ETV5: variants seen among roughly 807,000 people sequenced by gnomAD.
ETV5 encodes the protein ETS variant transcription factor 5, also known as ETS translocation variant 5.
Under a neutral mutation model 70.0 loss-of-function variants are expected in ETV5, and 10 were observed. The observed-to-expected ratio is 0.14, with a 90% CI of 0.09 to 0.24. ETV5 has a LOEUF of 0.24. Among genes scored for constraint, ETV5 ranks in the 10% least tolerant of loss-of-function variants. ETV5 has a pLI of 1.00. For missense variants in ETV5, 453 were observed against 651.2 expected, an observed-to-expected ratio of 0.70 and a Z score of 3.31; for synonymous variants, 216 against 242.2, an observed-to-expected ratio of 0.89 and a Z score of 1.01.
chr3:186,089,328 G>A (rs1714127376), intron 5 of ETV5, among the ~76,000 whole-genome samples: 2 of 152,206 alleles, frequency 1.3e-5, no homozygotes, highest in South Asian at 4.1e-4. Context: ...GTGTAGGTAT[G>A]GAAGAATGTG....
chr3:186,075,054 TG>T, intron 7 of ETV5, among the ~76,000 whole-genome samples: 2 of 152,208 alleles, frequency 1.3e-5, no homozygotes, highest in Non-Finnish European at 2.9e-5. Flanking sequence ...TTCAGTAAAC[TG>T]GGGATAAAAG....
intron 7 of ETV5, among the ~76,000 whole-genome samples, chr3:186,066,823 A>G (rs1713458452): frequency 6.6e-6 from 1 of 152,236 alleles, no homozygotes; most frequent in Non-Finnish European, 1.5e-5. Flanking sequence ...CAATAATACA[A>G]CAAATTGAGA....
chr3:186,062,796 C>T (rs562008285), intron 9 of ETV5, among the ~76,000 whole-genome samples: 40 of 152,212 alleles, frequency 2.6e-4, no homozygotes, highest in African/African-American at 8.9e-4. Context: ...GAGTCCTATA[C>T]GATCTGTATA....
At position 186,047,366 on chromosome 3, in the gene ETV5, G is replaced by A. The variant is rs141261071; in HGVS notation, c.*1273C>T. On this transcript the variant is annotated 3_prime_UTR_variant, in exon 13 of 13. Transcript: ENST00000306376. ...CAAACCCTACTGAATCACACAGGTA[G>A]GGTTTAAAGTCCAAGATTTAAAGAA... is the stretch of plus-strand genomic sequence containing the variant. 3.1e-4 allele frequency: 71 copies of A among 231,900 alleles called. 1 individual carries two copies. The highest frequency in any genetic ancestry group is 1.6e-3 in the African/African-American group (71 of 45,352). The allele number at this position is 231,900 out of a possible 1,614,324, so 14.4% of individuals were successfully genotyped here. A position where few individuals can be genotyped will look rare whatever the true frequency, so the allele number is the denominator to read the frequency against.
intron 7 of ETV5, among the ~76,000 whole-genome samples, chr3:186,077,021 C>T (rs538426169): frequency 2.7e-4 from 41 of 152,272 alleles, no homozygotes; most frequent in African/African-American, 8.9e-4. Context: ...CGTAATTACA[C>T]GTCATGGAAG....
chr3:186,064,395 G>T (rs1713384776), intron 9 of ETV5, 22 bp downstream of exon 9: 5 of 1,604,652 alleles, frequency 3.1e-6, no homozygotes, highest in Non-Finnish European at 4.3e-6. Flanking sequence ...GAGAGAAGAG[G>T]AAAGAAAAGC....
At chr3:186,084,471 T>C (rs542407960) in intron 5 of ETV5, among the ~76,000 whole-genome samples, 13 of 151,758 alleles carry the variant, frequency 8.6e-5, no homozygotes, top group Admixed American at 8.5e-4. Context: ...CTTCATTCAT[T>C]CATTCATTCA....
chr3:186,055,667 C>T (rs1182907958), intron 11 of ETV5, among the ~76,000 whole-genome samples: 1 of 152,190 alleles, frequency 6.6e-6, no homozygotes, highest in African/African-American at 2.4e-5. Flanking sequence ...AATCAGGATT[C>T]TTCATAAATT....
chr3:186,093,275 A>G (rs908950647), intron 5 of ETV5, among the ~76,000 whole-genome samples: 49 of 152,214 alleles, frequency 3.2e-4, no homozygotes, highest in African/African-American at 1.2e-3. Flanking sequence ...TGACTAGACA[A>G]GGAGGTTACA....
intron 5 of ETV5, among the ~76,000 whole-genome samples, chr3:186,097,657 G>A (rs1714336592): frequency 6.6e-6 from 1 of 152,208 alleles, no homozygotes; most frequent in African/African-American, 2.4e-5. Context: ...GTCAGCGGCA[G>A]CTCTTCCCCA....
At chr3:186,078,305 A>C in intron 7 of ETV5, 2 of 566,082 alleles carry the variant, frequency 3.5e-6, no homozygotes, top group Non-Finnish European at 4.7e-6. Flanking sequence ...GTTTGCTAAG[A>C]GTTTCAAATA....
At chr3:186,103,291 CA>C (rs1333312804) in intron 5 of ETV5, among the ~76,000 whole-genome samples, 3 of 152,068 alleles carry the variant, frequency 2.0e-5, no homozygotes, top group African/African-American at 4.8e-5. Flanking sequence ...TCTAAAGAGC[CA>C]AAACACATTT....
intron 7 of ETV5, among the ~76,000 whole-genome samples, chr3:186,075,047 A>C (rs1222815998): frequency 1.3e-5 from 2 of 152,212 alleles, no homozygotes; most frequent in Non-Finnish European, 1.5e-5. Context: ...AAAAACTTTC[A>C]GTAAACTGGG....
chr3:186,102,322 A>G (rs1441064971), intron 5 of ETV5, among the ~76,000 whole-genome samples: 3 of 152,158 alleles, frequency 2.0e-5, no homozygotes, highest in South Asian at 2.1e-4. Context: ...GTGTATTACC[A>G]GTGGCCACTG....
chr3:186,068,009 A>G (rs990483185), intron 7 of ETV5, among the ~76,000 whole-genome samples: 3 of 152,232 alleles, frequency 2.0e-5, no homozygotes, highest in Non-Finnish European at 4.4e-5. Flanking sequence ...TCATAAACAA[A>G]AAGTTTAACT....
At chr3:186,087,783 C>T (rs971638692) in intron 5 of ETV5, among the ~76,000 whole-genome samples, 5 of 151,892 alleles carry the variant, frequency 3.3e-5, no homozygotes, top group East Asian at 1.9e-4. Flanking sequence ...AGGATCAAGA[C>T]GTAGGAAAAC....
At chr3:186,053,697 T>G (rs1203273711) in intron 11 of ETV5, among the ~76,000 whole-genome samples, 1 of 152,156 alleles carries the variant, frequency 6.6e-6, no homozygotes, top group Non-Finnish European at 1.5e-5. Context: ...GGGTCTCCTC[T>G]TTTCTCCATA....
At chr3:186,055,391 G>T (rs1210740359) in intron 11 of ETV5, among the ~76,000 whole-genome samples, 1 of 152,184 alleles carries the variant, frequency 6.6e-6, no homozygotes, top group East Asian at 1.9e-4. Flanking sequence ...GGGTCGGCGT[G>T]GGGTGGATGG....
chr3:186,077,235 A>C (rs1713818479), intron 7 of ETV5, among the ~76,000 whole-genome samples: 1 of 152,184 alleles, frequency 6.6e-6, no homozygotes, highest in Admixed American at 6.5e-5. Flanking sequence ...TTTCGTTTTG[A>C]AGTAATAGTC....
Sources: allele counts gnomAD v4.1 joint callset (sites outside exome capture counted in the v4.1 genomes callset), GRCh38; gene constraint gnomAD v4.1.1; transcripts MANE v1.5; gene names NCBI Gene and HGNC (gene_info 2026-07-23, HGNC 2026-07-21).